WDR7: variants seen among roughly 807,000 people sequenced by gnomAD.
WDR7 encodes WD repeat-containing protein 7.
Under a neutral mutation model 169.4 loss-of-function variants are expected in WDR7, and 46 were observed. The ratio of observed to expected loss-of-function variants is 0.27; its 90% CI spans 0.21 to 0.35. The LOEUF is 0.35. Ranked by LOEUF, WDR7 falls within the 10% of genes least tolerant of loss-of-function variation. The pLI is 1.00. For missense variants in WDR7, 1,534 were observed against 1,859.3 expected, an observed-to-expected ratio of 0.83 and a Z score of 3.22; for synonymous variants, 612 against 666.8, an observed-to-expected ratio of 0.92 and a Z score of 1.27.
chr18:56,837,852 G>T (rs2045419170), intron 20 of WDR7, among the ~76,000 whole-genome samples: 1 of 152,174 alleles, frequency 6.6e-6, no homozygotes, highest in Middle Eastern at 3.4e-3. Flanking sequence ...TAGAGACGGG[G>T]TTTCACCATG....
chr18:56,776,974 G>C, intron 17 of WDR7, 94 bp downstream of exon 17: 3 of 1,175,412 alleles, frequency 2.6e-6, no homozygotes, highest in Non-Finnish European at 3.8e-6. Context: ...CATCTGCTTT[G>C]TTATGTATGA....
At chr18:56,963,063 T>C (rs1423621670) in intron 26 of WDR7, among the ~76,000 whole-genome samples, 2 of 152,288 alleles carry the variant, frequency 1.3e-5, no homozygotes, top group East Asian at 1.9e-4. Context: ...TTTATAACAC[T>C]TCACTGTTTG....
chr18:56,925,960 A>G (rs1432940349), intron 22 of WDR7, among the ~76,000 whole-genome samples: 1 of 152,244 alleles, frequency 6.6e-6, no homozygotes, highest in Non-Finnish European at 1.5e-5. Context: ...AAATGAGCTT[A>G]TATTTGCAAA....
At position 56,819,545 on chromosome 18, in the gene WDR7, G is replaced by A. The variant is rs144191479; in HGVS notation, c.3304+3401G>A. On this transcript the variant is annotated intron_variant, in intron 20 of 27. Coordinates refer to ENST00000254442, the MANE Select transcript of WDR7 (RefSeq NM_015285.3). ...CATAGGTTTTAAATTATATATCATA[G>A]ACATATTAGCCCTCTTGGCGGATTA... Among the ~76,000 whole-genome samples the A allele has an allele frequency of 8.2e-3, 1,242 of 152,180 alleles. 19 individuals are homozygous for A. The highest frequency in any genetic ancestry group is 0.026 in the African/African-American group (1,090 of 41,554).
Position 56,939,307 on chromosome 18 carries a change from A to G in WDR7, c.3982-4A>G, listed in dbSNP as rs2047003039. On this transcript the variant is annotated splice_region_variant and splice_polypyrimidine_tract_variant and intron_variant, in intron 24 of 27. Transcript: ENST00000254442. ...AATTTTAAATCTGTTCTTTTCTGTC[A>G]AAGGTTATGGACATCATTATGTACT... 2.7e-6 allele frequency: 4 copies of G among 1,497,054 alleles called. No individual in the cohort carries two copies. In the African/African-American group the frequency reaches 4.3e-5, roughly 16 times the overall value. 92.7% of individuals were successfully genotyped at this position (1,497,054 alleles called of 1,614,324 possible).
intron 18 of WDR7, among the ~76,000 whole-genome samples, chr18:56,780,260 A>G (rs1482605353): frequency 6.6e-6 from 1 of 151,648 alleles, no homozygotes; most frequent in Non-Finnish European, 1.5e-5. Context: ...AAAATGTTTA[A>G]TAAAGATTTT....
chr18:56,914,208 T>C (rs1430233546), intron 21 of WDR7, among the ~76,000 whole-genome samples: 1 of 152,204 alleles, frequency 6.6e-6, no homozygotes, highest in Non-Finnish European at 1.5e-5. Flanking sequence ...CTCCCACAGA[T>C]ACTCACACGA....
chr18:56,878,883 A>G (rs560910329), intron 20 of WDR7, among the ~76,000 whole-genome samples: 45 of 152,292 alleles, frequency 3.0e-4, no homozygotes, highest in Non-Finnish European at 5.0e-4. Flanking sequence ...GGCATGTATC[A>G]TTACTTCATT....
chr18:56,787,512 G>A (rs2044420586), intron 19 of WDR7, among the ~76,000 whole-genome samples: 2 of 152,104 alleles, frequency 1.3e-5, no homozygotes, highest in Admixed American at 6.5e-5. Context: ...TGTTTAATAC[G>A]TATTGATGTC....
chr18:56,659,350 G>A (rs1341108358), intron 1 of WDR7, among the ~76,000 whole-genome samples: 2 of 152,120 alleles, frequency 1.3e-5, no homozygotes, highest in Non-Finnish European at 2.9e-5. Context: ...TTAAACCAAC[G>A]CAAACATATT....
At chr18:56,676,389 C>T (rs1025266829) in intron 2 of WDR7, among the ~76,000 whole-genome samples, 6 of 152,068 alleles carry the variant, frequency 3.9e-5, no homozygotes, top group Admixed American at 2.0e-4. Flanking sequence ...GATAAGTCCT[C>T]GTTATTATTG....
intron 19 of WDR7, among the ~76,000 whole-genome samples, chr18:56,801,478 A>G (rs1049278117): frequency 6.6e-5 from 10 of 152,210 alleles, no homozygotes; most frequent in Non-Finnish European, 1.2e-4. Context: ...AAAAATTTGT[A>G]TACAATAAAG....
At chr18:56,971,824 G>A (rs2145803224) in intron 26 of WDR7, among the ~76,000 whole-genome samples, 1 of 152,310 alleles carries the variant, frequency 6.6e-6, no homozygotes, top group South Asian at 2.1e-4. Flanking sequence ...CCTGATGTGT[G>A]TGAACGGTCC....
At chr18:56,970,205 GA>G (rs1242058296) in intron 26 of WDR7, among the ~76,000 whole-genome samples, 1 of 150,478 alleles carries the variant, frequency 6.6e-6, no homozygotes, top group Non-Finnish European at 1.5e-5. Context: ...TAGATCTGTT[GA>G]AATTGCTTTC....
At chr18:56,686,811 G>T in intron 6 of WDR7, 44 bp from the exon 7 acceptor site, 1 of 1,448,296 alleles carries the variant, frequency 6.9e-7, no homozygotes, top group South Asian at 1.2e-5. Flanking sequence ...AATTTTAATT[G>T]ACAATCATGC....
At position 56,936,159 on chromosome 18, in the gene WDR7, C is replaced by A. The variant is rs1434106138; in HGVS notation, c.3831+254C>A. On this transcript the variant is annotated intron_variant, in intron 23 of 27. Coordinates refer to ENST00000254442, the MANE Select transcript of WDR7 (RefSeq NM_015285.3). ...AATTCACTTATAAATATTTGACAAT[C>A]ATTTTTCAATCTGAATTACAGCAGG... The A allele has an allele frequency of 7.4e-6, 3 of 407,884 alleles. No individual in the cohort carries two copies. In the East Asian group the frequency reaches 1.2e-4, roughly 17 times the overall value. 25.3% of individuals were successfully genotyped at this position (407,884 alleles called of 1,614,324 possible). A position where few individuals can be genotyped will look rare whatever the true frequency, so the allele number is the denominator to read the frequency against.
At chr18:56,993,889 C>G (rs2047855236) in intron 26 of WDR7, among the ~76,000 whole-genome samples, 1 of 152,096 alleles carries the variant, frequency 6.6e-6, no homozygotes, top group Middle Eastern at 3.2e-3. Context: ...TAGGCAGGTG[C>G]CTGGGGAGAC....
At chr18:56,663,913 T>A (rs1161278843) in intron 1 of WDR7, among the ~76,000 whole-genome samples, 1 of 151,996 alleles carries the variant, frequency 6.6e-6, no homozygotes, top group Non-Finnish European at 1.5e-5. Context: ...GTCTTTGGAA[T>A]TTTTCTTAGG....
intron 26 of WDR7, among the ~76,000 whole-genome samples, chr18:57,008,525 A>T (rs996966060): frequency 2.0e-5 from 3 of 152,078 alleles, no homozygotes; most frequent in Non-Finnish European, 4.4e-5. Flanking sequence ...GTGACACGGG[A>T]GTGCTGGCCG....
Sources: gnomAD v4.1 joint callset for allele counts (sites outside exome capture counted in the v4.1 genomes callset) on GRCh38, gnomAD v4.1.1 for gene constraint, MANE v1.5 for transcripts, NCBI Gene and HGNC (gene_info 2026-07-23, HGNC 2026-07-21) for gene names.